BANK1: variants seen among roughly 807,000 people sequenced by gnomAD.
BANK1 encodes the protein B-cell scaffold protein with ankyrin repeats.
In BANK1, 95 loss-of-function variants were observed where a neutral mutation model predicts 94.5. That is an observed-to-expected ratio of 1.00 (90% confidence interval 0.85 to 1.19). The LOEUF is 1.19. Among genes scored for constraint, BANK1 ranks in the 50% most tolerant of loss-of-function variants. The pLI is 0.00. For missense variants in BANK1, 987 were observed against 932.2 expected (o/e 1.06, Z -0.77); for synonymous variants, 334 against 308.4 (o/e 1.08, Z -0.87).
At chr4:101,860,142 T>G (rs1727813596) in intron 3 of BANK1, among the ~76,000 whole-genome samples, 2 of 152,200 alleles carry the variant, frequency 1.3e-5, no homozygotes, top group African/African-American at 2.4e-5. Context: ...CATGCCAACA[T>G]TATGTTCAAG....
chr4:101,856,497 G>A (rs746633750), intron 3 of BANK1, among the ~76,000 whole-genome samples: 11 of 152,134 alleles, frequency 7.2e-5, no homozygotes, highest in Non-Finnish European at 1.5e-4. Context: ...CTACTCTCAA[G>A]TAGATGAAAT....
At chr4:101,899,170 G>A (rs1052343318) in intron 6 of BANK1, among the ~76,000 whole-genome samples, 2 of 151,876 alleles carry the variant, frequency 1.3e-5, no homozygotes, top group African/African-American at 4.8e-5. Flanking sequence ...AAAAAAAATG[G>A]GCAAGAGTAT....
intron 2 of BANK1, among the ~76,000 whole-genome samples, chr4:101,840,773 A>G (rs185345528): frequency 2.4e-4 from 37 of 151,708 alleles, no homozygotes; most frequent in Admixed American, 2.4e-3. Context: ...CCCACTTCAC[A>G]CCTCTGTATT....
chr4:101,873,404 T>C (rs995598294), intron 5 of BANK1, among the ~76,000 whole-genome samples: 1 of 152,188 alleles, frequency 6.6e-6, no homozygotes, highest in African/African-American at 2.4e-5. Flanking sequence ...GGGCATGTAA[T>C]AACATGAACA....
chr4:101,841,767 C>T, intron 2 of BANK1, among the ~76,000 whole-genome samples: 1 of 114,826 alleles, frequency 8.7e-6, no homozygotes, highest in Non-Finnish European at 1.8e-5. Flanking sequence ...CAATGCTATC[C>T]CTCCCCCCTC....
At chr4:101,814,002 T>C in intron 1 of BANK1, 1 of 622,936 alleles carries the variant, frequency 1.6e-6, no homozygotes, top group Non-Finnish European at 2.0e-6. Context: ...ACGTATGATA[T>C]AAATTTTGAG....
chr4:101,953,795 T>C (rs1038771074), intron 7 of BANK1, among the ~76,000 whole-genome samples: 5 of 152,154 alleles, frequency 3.3e-5, no homozygotes, highest in South Asian at 4.1e-4. Flanking sequence ...TCAGTTGATA[T>C]GTTTTGTGAA....
At chr4:102,000,237 C>A (rs137964608) in intron 7 of BANK1, among the ~76,000 whole-genome samples, 1 of 139,180 alleles carries the variant, frequency 7.2e-6, no homozygotes, top group African/African-American at 2.6e-5. Flanking sequence ...GTAGTAGAAT[C>A]GCTTGAACCC....
At chr4:101,870,805 G>A (rs927847223) in intron 5 of BANK1, among the ~76,000 whole-genome samples, 161 bp downstream of exon 5, 1 of 151,880 alleles carries the variant, frequency 6.6e-6, no homozygotes, top group South Asian at 2.1e-4. Flanking sequence ...GTGCCAAAAT[G>A]CAGACAAATT....
intron 7 of BANK1, among the ~76,000 whole-genome samples, chr4:101,969,104 T>C (rs1266656161): frequency 6.6e-6 from 1 of 152,086 alleles, no homozygotes; most frequent in Non-Finnish European, 1.5e-5. Flanking sequence ...TTGGAGCTTC[T>C]TGTATTTGAT....
intron 5 of BANK1, among the ~76,000 whole-genome samples, chr4:101,894,474 C>A (rs1192402854): frequency 1.4e-5 from 2 of 144,198 alleles, no homozygotes; most frequent in Non-Finnish European, 1.5e-5. Flanking sequence ...ATCTTTTTTT[C>A]AGTACAGTTA....
intron 1 of BANK1, among the ~76,000 whole-genome samples, chr4:101,817,775 A>T (rs1178534998): frequency 6.6e-6 from 1 of 152,164 alleles, no homozygotes; most frequent in East Asian, 1.9e-4. Context: ...GAGACCCAGG[A>T]TGGCTTTGAA....
At chr4:101,845,837 G>C (rs1185569756) in intron 2 of BANK1, among the ~76,000 whole-genome samples, 1 of 152,170 alleles carries the variant, frequency 6.6e-6, no homozygotes, top group East Asian at 1.9e-4. Context: ...ATTTTTACTA[G>C]AGATTTGGGC....
intron 7 of BANK1, among the ~76,000 whole-genome samples, chr4:102,009,890 C>A (rs1186715473): frequency 6.6e-6 from 1 of 152,032 alleles, no homozygotes; most frequent in African/African-American, 2.4e-5. Flanking sequence ...TTAACTTATC[C>A]TTCCTTATAT....
intron 7 of BANK1, among the ~76,000 whole-genome samples, chr4:101,926,238 A>G (rs1723147924): frequency 6.6e-6 from 1 of 151,694 alleles, no homozygotes; most frequent in Admixed American, 6.6e-5. Context: ...AAACAAGAAT[A>G]TTCATCAAAT....
intron 7 of BANK1, 67 bp downstream of exon 7, chr4:101,918,256 G>GA (rs1722893733): frequency 2.7e-6 from 3 of 1,127,132 alleles, no homozygotes; most frequent in Non-Finnish European, 3.6e-6. Flanking sequence ...ACTGTAAGAA[G>GA]AAAAAACCTA....
intron 7 of BANK1, among the ~76,000 whole-genome samples, chr4:101,968,812 A>T (rs72929913): frequency 0.032 from 4,926 of 152,182 alleles, 275 homozygotes; most frequent in African/African-American, 0.11. Context: ...CCAAACAAAT[A>T]GATACCTTAC....
chr4:101,892,045 G>A (rs898439761), intron 5 of BANK1, among the ~76,000 whole-genome samples: 7 of 151,772 alleles, frequency 4.6e-5, no homozygotes, highest in South Asian at 4.2e-4. Context: ...ATTTGCGATC[G>A]TCCAGGTACT....
At chr4:101,809,930 A>G (rs552581199) in intron 1 of BANK1, among the ~76,000 whole-genome samples, 2 of 152,338 alleles carry the variant, frequency 1.3e-5, no homozygotes, top group Non-Finnish European at 2.9e-5. Context: ...ATGGCAGAGA[A>G]GAATTAAGGT....
Sources: gnomAD v4.1 joint callset for allele counts (sites outside exome capture counted in the v4.1 genomes callset) on GRCh38, gnomAD v4.1.1 for gene constraint, MANE v1.5 for transcripts, NCBI Gene and HGNC (gene_info 2026-07-23, HGNC 2026-07-21) for gene names.